Variants in CELSR1 observed in about 807,000 individuals in gnomAD.
CELSR1 encodes the protein adhesion G protein-coupled receptor C1.
In CELSR1, 110 loss-of-function variants were observed where a neutral mutation model predicts 249.1. That is an observed-to-expected ratio of 0.44 (90% confidence interval 0.38 to 0.52). CELSR1 has a LOEUF of 0.52. Ranked by LOEUF, CELSR1 falls within the 20% of genes least tolerant of loss-of-function variation. CELSR1 has a pLI of 0.00. For missense variants in CELSR1, 4,109 were observed against 4,296.4 expected (o/e 0.96, Z 1.22); for synonymous variants, 2,113 against 1,900.0 (o/e 1.11, Z -2.92).
In CELSR1 at chr22:46,464,059, C is replaced by T. The variant is rs368367024; in HGVS notation, c.3831G>A (p.Ser1277=). 1.6e-5 allele frequency: 26 copies of T among 1,613,654 alleles called. No individual in the cohort carries two copies. Among genetic ancestry groups the T allele is most frequent in the Non-Finnish European group, 1.9e-5 (23 of 1,180,050 alleles). ...PGGVRGQFFP[S]EDLQEQIYLN... ...GGTAGATCTGCTCCTGCAGGTCCTC[C>T]GACGGGAAGAACTGGCCGCGGACGC... is the stretch of plus-strand genomic sequence containing the variant. The change falls in exon 2 of 35, where the codon TCG becomes TCA. Residue 1277 remains serine, a synonymous_variant. Transcript: ENST00000674500. The surrounding 1 kb of genome is among the most constrained non-coding windows in gnomAD (Gnocchi z 8.5).
intron 5 of CELSR1, among the ~76,000 whole-genome samples, chr22:46,416,829 G>C (rs2079408265): frequency 6.6e-6 from 1 of 152,152 alleles, no homozygotes; most frequent in Admixed American, 6.5e-5. Context: ...GCAGTGCTGG[G>C]AGTTTCTGTG....
At chr22:46,508,909 A>G (rs558938292) in intron 1 of CELSR1, among the ~76,000 whole-genome samples, 2 of 152,270 alleles carry the variant, frequency 1.3e-5, no homozygotes, top group African/African-American at 4.8e-5. Context: ...CGCCAAGGCC[A>G]GCGGCTACGA....
intron 1 of CELSR1, among the ~76,000 whole-genome samples, chr22:46,504,741 C>T (rs186496079): frequency 5.9e-5 from 9 of 152,250 alleles, no homozygotes; most frequent in Non-Finnish European, 1.3e-4. Flanking sequence ...CATTTGACCA[C>T]GGTTATCAAA....
At position 46,408,890 on chromosome 22, in the gene CELSR1, A is replaced by G; in HGVS notation, c.5226+106T>C. On this transcript the variant is annotated intron_variant, in intron 9 of 34. Transcript: ENST00000674500. This position sits in a 1 kb window ranked among gnomAD's most constrained non-coding sequence, Gnocchi z 4.6. ...AACCCCAGGGGCGGGCGCCGGAGGAAGGGCGAGTAGCAGGTGCCCGAGTGT... is the reference window on the plus strand; with the variant it reads ...AACCCCAGGGGCGGGCGCCGGAGGAGGGGCGAGTAGCAGGTGCCCGAGTGT... 1 of 878,230 alleles carries G rather than the reference A, an allele frequency of 1.1e-6. No individual in the cohort carries two copies. The highest frequency in any genetic ancestry group is 1.7e-6 in the Non-Finnish European group (1 of 597,826). 54.4% of individuals were successfully genotyped at this position (878,230 alleles called of 1,614,324 possible).
At chr22:46,439,448 C>A (rs527743822) in intron 2 of CELSR1, 37 bp from the exon 3 acceptor site, 28 of 1,555,766 alleles carry the variant, frequency 1.8e-5, no homozygotes, top group Non-Finnish European at 2.3e-5. Flanking sequence ...GAGGAGGTTA[C>A]CGACCAGCCA....
chr22:46,488,810 C>A lies in CELSR1; in HGVS notation c.3545-24465G>T, dbSNP rs945389450. On this transcript the variant is annotated intron_variant, in intron 1 of 34. Transcript: ENST00000674500. This position sits in a 1 kb window ranked among gnomAD's most constrained non-coding sequence, Gnocchi z 4.7. ...GAGTAGCTGGGACTACAGGCGCCCG[C>A]CACCAGGCCCAGCTAATTTTTTGTA... Among the ~76,000 whole-genome samples the A allele has an allele frequency of 3.3e-5, 5 of 152,192 alleles. No homozygotes were observed. The highest frequency in any genetic ancestry group is 5.9e-5 in the Non-Finnish European group (4 of 68,032).
intron 1 of CELSR1, among the ~76,000 whole-genome samples, chr22:46,469,317 G>A (rs896970348): frequency 1.3e-5 from 2 of 152,062 alleles, no homozygotes; most frequent in African/African-American, 2.4e-5. Context: ...CCCTGTCATC[G>A]TGTGACCGCT....
At chr22:46,474,852 GT>G (rs1253146717) in intron 1 of CELSR1, among the ~76,000 whole-genome samples, 2 of 127,946 alleles carry the variant, frequency 1.6e-5, no homozygotes, top group Non-Finnish European at 3.1e-5. Context: ...CAAGCTGCAG[GT>G]CCCAGGCAGG....
rs1018625600 is a variant in CELSR1 at position 46,411,382 on chromosome 22, G to A, written c.4769+220C>T. 3.9e-5 allele frequency among the ~76,000 whole-genome samples: 6 copies of A among 152,294 alleles called. No homozygotes were observed. In the South Asian group the frequency reaches 1.2e-3, roughly 32 times the overall value. ...GCAAGCTGGCCATCACAACCCTGGGGTCGGCCTGGCCACTCTTGACACATA... is the reference window on the plus strand; with the variant it reads ...GCAAGCTGGCCATCACAACCCTGGGATCGGCCTGGCCACTCTTGACACATA... On this transcript the variant is annotated intron_variant, in intron 6 of 34. Coordinates refer to ENST00000674500, the MANE Select transcript of CELSR1 (RefSeq NM_001378328.1). This position sits in a 1 kb window ranked among gnomAD's most constrained non-coding sequence, Gnocchi z 4.2.
intron 5 of CELSR1, among the ~76,000 whole-genome samples, chr22:46,418,828 A>AG (rs900127451): frequency 9.2e-5 from 14 of 152,362 alleles, no homozygotes; most frequent in African/African-American, 3.4e-4. Context: ...TTCTCAGGCA[A>AG]GGGGGTCTAA....
At position 46,479,886 on chromosome 22, in the gene CELSR1, T is replaced by C. The variant is rs115882790; in HGVS notation, c.3545-15541A>G. 3.9e-3 allele frequency among the ~76,000 whole-genome samples: 595 copies of C among 152,316 alleles called. 5 individuals are homozygous for C. The highest frequency in any genetic ancestry group is 0.014 in the African/African-American group (566 of 41,570). Reference sequence around the variant, plus strand: ...TCACTCTCAGGGAGTCAGCTCATCCTAGCCCAAGTTGCTTCCTTTTCCTCC... The same window carrying C: ...TCACTCTCAGGGAGTCAGCTCATCCCAGCCCAAGTTGCTTCCTTTTCCTCC... On this transcript the variant is annotated intron_variant, in intron 1 of 34. Transcript: ENST00000674500.
chr22:46,376,976 G>A (rs1359014645), intron 24 of CELSR1, 85 bp downstream of exon 24: 4 of 1,390,768 alleles, frequency 2.9e-6, no homozygotes, highest in Non-Finnish European at 4.0e-6. Context: ...AGCTAGCCAG[G>A]GTGCTTGGAG....
At chr22:46,394,365 G>A (rs1030774330) in intron 13 of CELSR1, 103 bp from the exon 14 acceptor site, 2 of 1,395,614 alleles carry the variant, frequency 1.4e-6, no homozygotes, top group African/African-American at 1.4e-5. Context: ...CAGGAGGCCT[G>A]GCTGGGTCCA....
Position 46,406,565 on chromosome 22 carries a change from C to T in CELSR1, c.5226+2431G>A, listed in dbSNP as rs1385639210. 1.3e-5 allele frequency among the ~76,000 whole-genome samples: 2 copies of T among 152,218 alleles called. No homozygotes were observed. Among genetic ancestry groups the T allele is most frequent in the Admixed American group, 1.3e-4 (2 of 15,282 alleles). On this transcript the variant is annotated intron_variant, in intron 9 of 34. Coordinates refer to ENST00000674500, the MANE Select transcript of CELSR1 (RefSeq NM_001378328.1). This position sits in a 1 kb window ranked among gnomAD's most constrained non-coding sequence, Gnocchi z 5.4. ...CTGCCCCCGCCACACTCCAACCAGG[C>T]ACTCATGATGGGGAGGGCATGTGCT...
chr22:46,416,268 G>A (rs1458686609), intron 5 of CELSR1, among the ~76,000 whole-genome samples: 4 of 152,362 alleles, frequency 2.6e-5, no homozygotes. Flanking sequence ...GTTGGAAAGC[G>A]CCGGGCACAG....
Position 46,463,921 on chromosome 22 carries a change from T to C in CELSR1, c.3969A>G (p.Arg1323=). The C allele has an allele frequency of 6.2e-7, 1 of 1,613,932 alleles. No homozygotes were observed. The highest frequency in any genetic ancestry group is 8.5e-7 in the Non-Finnish European group (1 of 1,179,976). The change falls in exon 2 of 35, where the codon CGA becomes CGG. Residue 1323 remains arginine, a synonymous_variant. Coordinates refer to ENST00000674500, the MANE Select transcript of CELSR1 (RefSeq NM_001378328.1). ...TGAGGAAGGGCGCGGAGCTGTCGAA[T>C]CGCAGAACGGACACGCACTTCATGT... ...ENYMKCVSVL[R]FDSSAPFLSS...
chr22:46,416,245 T>C (rs955965152), intron 5 of CELSR1, among the ~76,000 whole-genome samples: 2 of 152,226 alleles, frequency 1.3e-5, no homozygotes, highest in Non-Finnish European at 2.9e-5. Flanking sequence ...CTGAGTTTTT[T>C]CTCAATTCTT....
Position 46,364,004 on chromosome 22 carries a change from G to C in CELSR1, c.9027C>G (p.Ser3009=), listed in dbSNP as rs138392649. The part of the protein sequence containing the change: ...VRTGSAQADG[S]DSEGSNETSI ...AGGCCCAGGCTACTCACTCAGAGTC[G>C]GAGCCATCGGCCTGGGCGCTCCCAG... The change falls in exon 34 of 35, where the codon TCC becomes TCG. Residue 3009 remains serine (S), a synonymous_variant. Transcript: ENST00000674500. 6.2e-7 allele frequency: 1 copy of C among 1,605,534 alleles called. No individual in the cohort carries two copies. The highest frequency in any genetic ancestry group is 8.5e-7 in the Non-Finnish European group (1 of 1,176,888).
chr22:46,397,755 C>G lies in CELSR1; in HGVS notation c.5620G>C (p.Asp1874His), dbSNP rs141922879. The G allele has an allele frequency of 6.3e-7, 1 of 1,599,950 alleles. No homozygotes were observed. The highest frequency in any genetic ancestry group is 1.7e-5 in the Admixed American group (1 of 58,708). The stretch of plus-strand genomic sequence containing the variant: ...GGACAGGGGCTCGAGGTACAGGGGT[C>G]GTCCACATCACAGCCGTCCTTCACC... Reference protein sequence around the residue: ...VRVKDGCDVDDPCTSSPCPPN... With the variant: ...VRVKDGCDVDHPCTSSPCPPN... The change falls in exon 12 of 35, where the codon GAC (aspartate) becomes CAC (histidine). Residue 1874 changes from aspartate to histidine, a missense_variant. Around this residue, in one of 7 missense-constraint regions of CELSR1, gnomAD observed 1,805 missense variants for 1,831.6 expected, o/e 0.99. Coordinates refer to ENST00000674500, the MANE Select transcript of CELSR1 (RefSeq NM_001378328.1).
Sources: gnomAD v4.1 joint callset for allele counts (sites outside exome capture counted in the v4.1 genomes callset) on GRCh38, gnomAD v4.1.1 for gene constraint, gnomAD v4.1.1 regional missense constraint, Gnocchi (gnomAD v3.1) non-coding constraint, MANE v1.5 for transcripts, NCBI Gene and HGNC (gene_info 2026-07-23, HGNC 2026-07-21) for gene names.